The following PNPLA8 variants were observed in gnomAD, a reference collection of about 807,000 sequenced individuals.
PNPLA8 encodes patatin like domain 8, phospholipase A2, also known as calcium-independent phospholipase A2-gamma.
In PNPLA8, 39 loss-of-function variants were observed where a neutral mutation model predicts 76.9. The observed-to-expected ratio is 0.51, with a 90% CI of 0.39 to 0.66. The LOEUF is 0.66. Ranked by LOEUF, PNPLA8 falls within the 30% of genes least tolerant of loss-of-function variation. The pLI, the probability that PNPLA8 is intolerant of heterozygous loss-of-function variation, is 0.00. For missense variants in PNPLA8, 887 were observed against 918.0 expected, an observed-to-expected ratio of 0.97 and a Z score of 0.44; for synonymous variants, 301 against 307.9, an observed-to-expected ratio of 0.98 and a Z score of 0.24.
chr7:108,474,261 A>G (rs1358660345), intron 10 of PNPLA8, among the ~76,000 whole-genome samples: 1 of 152,122 alleles, frequency 6.6e-6, no homozygotes, highest in African/African-American at 2.4e-5. Flanking sequence ...GATTTTCTCC[A>G]GCATATTCTT....
chr7:108,479,158 A>AT, intron 10 of PNPLA8, 26 bp downstream of exon 10: 1 of 1,544,510 alleles, frequency 6.5e-7, no homozygotes, highest in South Asian at 1.1e-5. Flanking sequence ...AAGTTGAAGT[A>AT]TTTTAAAGCA....
intron 10 of PNPLA8, among the ~76,000 whole-genome samples, chr7:108,474,479 T>C (rs955146004): frequency 6.6e-6 from 1 of 152,186 alleles, no homozygotes; most frequent in Non-Finnish European, 1.5e-5. Context: ...TTGACAATTT[T>C]GAGAAAGCTA....
intron 10 of PNPLA8, 66 bp from the exon 11 acceptor site, chr7:108,472,741 G>T: frequency 9.0e-7 from 1 of 1,116,230 alleles, no homozygotes; most frequent in Non-Finnish European, 1.2e-6. Context: ...GCAATGAACT[G>T]TTAATTTGTC....
intron 10 of PNPLA8, among the ~76,000 whole-genome samples, chr7:108,476,275 TG>T (rs1298160142): frequency 6.6e-6 from 1 of 152,226 alleles, no homozygotes; most frequent in African/African-American, 2.4e-5. Flanking sequence ...CAACATTTCA[TG>T]TTTCTTGAAA....
At chr7:108,506,241 G>T (rs1002703770) in intron 4 of PNPLA8, among the ~76,000 whole-genome samples, 1 of 152,096 alleles carries the variant, frequency 6.6e-6, no homozygotes, top group African/African-American at 2.4e-5. Context: ...AGCAGGGTGT[G>T]GTGGTGCGCA....
chr7:108,485,476 G>T (rs994472435), intron 9 of PNPLA8, among the ~76,000 whole-genome samples: 1 of 151,944 alleles, frequency 6.6e-6, no homozygotes, highest in Admixed American at 6.6e-5. Context: ...CTACTACAAT[G>T]GATACCAAGT....
rs147135994 is a variant in PNPLA8 at position 108,495,329 on chromosome 7, A to G, written c.1625+1255T>C. Among the ~76,000 whole-genome samples, 9 of 152,314 alleles carry G rather than the reference A, an allele frequency of 5.9e-5. No individual in the cohort carries two copies. In the East Asian group the frequency reaches 1.7e-3, roughly 29 times the overall value. ...TCTAAGAGAGGATTTGTTAAATAAA[A>G]AACAGTATATCCATAAAATGGTGAA... On this transcript the variant is annotated intron_variant, in intron 7 of 10. Transcript: ENST00000257694.
intron 10 of PNPLA8, among the ~76,000 whole-genome samples, chr7:108,477,769 T>C (rs1056885692): frequency 1.3e-5 from 2 of 151,942 alleles, no homozygotes; most frequent in African/African-American, 4.8e-5. Flanking sequence ...GAGACTAAGG[T>C]GGGAGGACTG....
intron 4 of PNPLA8, among the ~76,000 whole-genome samples, chr7:108,512,406 G>A (rs1563978928): frequency 6.6e-6 from 1 of 151,938 alleles, no homozygotes; most frequent in East Asian, 1.9e-4. Flanking sequence ...AAAACATAAT[G>A]AAAGGAGACC....
At chr7:108,527,974 C>T (rs1385763163), upstream of PNPLA8, 1 of 152,236 alleles carries the variant, frequency 6.6e-6, no homozygotes, top group Admixed American at 6.5e-5. Flanking sequence ...GATTTTCCTC[C>T]CATGTCAGAA....
At chr7:108,507,056 G>C (rs935875852) in intron 4 of PNPLA8, among the ~76,000 whole-genome samples, 2 of 151,964 alleles carry the variant, frequency 1.3e-5, no homozygotes, top group African/African-American at 2.4e-5. Flanking sequence ...AAACAGGCTC[G>C]GTGAGGCTGG....
intron 9 of PNPLA8, among the ~76,000 whole-genome samples, chr7:108,487,159 G>C (rs1860795084): frequency 1.3e-5 from 2 of 152,138 alleles, no homozygotes; most frequent in South Asian, 4.1e-4. Context: ...GAATTTAAAA[G>C]AGTATAATTA....
At position 108,514,176 on chromosome 7, in the gene PNPLA8, C is replaced by G; in HGVS notation, c.1174G>C (p.Glu392Gln). 1 of 1,607,310 alleles carries G rather than the reference C, an allele frequency of 6.2e-7. No individual in the cohort carries two copies. The highest frequency in any genetic ancestry group is 1.3e-5 in the African/African-American group (1 of 74,822). Residue 392 changes from glutamate to glutamine, a missense_variant, in exon 4 of 11, where the codon GAA becomes CAA. Transcript: ENST00000257694. ...RVEELTFHLLEFPEGKGVAVK... is the reference protein window; with the variant it reads ...RVEELTFHLLQFPEGKGVAVK... Reference sequence around the variant, plus strand: ...GCCACTCCTTTTCCTTCAGGAAATTCTAGAAGATGAAAAGTCAGTTCTTCA... The same window carrying G: ...GCCACTCCTTTTCCTTCAGGAAATTGTAGAAGATGAAAAGTCAGTTCTTCA...
chr7:108,512,183 TG>T (rs1862983838), intron 4 of PNPLA8, among the ~76,000 whole-genome samples: 3 of 152,192 alleles, frequency 2.0e-5, no homozygotes, highest in African/African-American at 7.2e-5. Flanking sequence ...GAAATAAAAC[TG>T]TTTTGTTAAG....
At chr7:108,498,231 C>T (rs529126842) in intron 5 of PNPLA8, among the ~76,000 whole-genome samples, 13 of 150,878 alleles carry the variant, frequency 8.6e-5, no homozygotes, top group African/African-American at 2.2e-4. Flanking sequence ...CATAGTTGGT[C>T]ACCTATGACT....
chr7:108,478,779 A>T (rs1860180253), intron 10 of PNPLA8, among the ~76,000 whole-genome samples: 2 of 152,226 alleles, frequency 1.3e-5, no homozygotes, highest in African/African-American at 4.8e-5. Flanking sequence ...ACACATTCTC[A>T]TTCCAGTTTG....
chr7:108,515,651 G>A, intron 2 of PNPLA8, 77 bp from the exon 3 acceptor site: 1 of 764,620 alleles, frequency 1.3e-6, no homozygotes. Flanking sequence ...AAGACTATTT[G>A]GACTAAACTC....
intron 4 of PNPLA8, 61 bp from the exon 5 acceptor site, chr7:108,502,703 TATTATTAACCA>T: frequency 7.9e-7 from 1 of 1,268,138 alleles, no homozygotes; most frequent in Non-Finnish European, 1.1e-6. Flanking sequence ...AATGTATGAT[TATTATTAACCA>T]ATACATGCAG....
At position 108,514,749 on chromosome 7, in the gene PNPLA8, G is replaced by A. The variant is rs1444910561; in HGVS notation, c.743C>T (p.Ser248Phe). Residue 248 changes from serine (S) to phenylalanine (F), a missense_variant, in exon 3 of 11, where the codon TCT becomes TTT. Coordinates refer to ENST00000257694, the MANE Select transcript of PNPLA8 (RefSeq NM_001256007.3). ...DKKVEEGKLRSPDPGILAYKP... is the reference protein window; with the variant it reads ...DKKVEEGKLRFPDPGILAYKP... Reference sequence around the variant, plus strand: ...ATAAGCCAGGATGCCAGGATCTGGAGATCTTAATTTCCCCTCTTCTACCTT... The same window carrying A: ...ATAAGCCAGGATGCCAGGATCTGGAAATCTTAATTTCCCCTCTTCTACCTT... 6.2e-7 allele frequency: 1 copy of A among 1,613,150 alleles called. No individual in the cohort carries two copies. Among genetic ancestry groups the A allele is most frequent in the Non-Finnish European group, 8.5e-7 (1 of 1,179,288 alleles).
Sources: gnomAD v4.1 joint callset for allele counts (sites outside exome capture counted in the v4.1 genomes callset) on GRCh38, gnomAD v4.1.1 for gene constraint, MANE v1.5 for transcripts, NCBI Gene and HGNC (gene_info 2026-07-23, HGNC 2026-07-21) for gene names.